Variants in LY9 observed in about 807,000 individuals in gnomAD.
LY9 encodes the protein T-lymphocyte surface antigen Ly-9.
Under a neutral mutation model 64.6 loss-of-function variants are expected in LY9, and 59 were observed. The ratio of observed to expected loss-of-function variants is 0.91; its 90% CI spans 0.74 to 1.13. The LOEUF (loss-of-function observed/expected upper bound fraction) is 1.13, where lower values mean the gene tolerates loss of function less well. Ranked by LOEUF, LY9 falls within the 50% of genes most tolerant of loss-of-function variation. The probability of loss-of-function intolerance (pLI) is 0.00; values close to 1 mark genes in which losing one functional copy is unlikely to be tolerated. For missense variants in LY9, 789 were observed against 797.2 expected (o/e 0.99, Z 0.12); for synonymous variants, 281 against 308.5 (o/e 0.91, Z 0.93).
intron 2 of LY9, among the ~76,000 whole-genome samples, chr1:160,805,983 G>T (rs1320572797): frequency 7.7e-6 from 1 of 130,090 alleles, no homozygotes; most frequent in African/African-American, 3.0e-5. Flanking sequence ...TATAAATATA[G>T]CTAGCTATTC....
chr1:160,818,390 C>A, intron 6 of LY9, 71 bp downstream of exon 6: 2 of 1,129,314 alleles, frequency 1.8e-6, no homozygotes, highest in Non-Finnish European at 2.7e-6. Context: ...GGCTTCTCTG[C>A]CCTCACACAA....
intron 7 of LY9, among the ~76,000 whole-genome samples, chr1:160,820,978 C>G (rs1297847922): frequency 6.6e-6 from 1 of 151,414 alleles, no homozygotes; most frequent in Admixed American, 6.6e-5. Context: ...CATGGTGAAA[C>G]CCCGTCTCTA....
Position 160,813,758 on chromosome 1 carries a change from C to G in LY9, c.577C>G (p.Pro193Ala), listed in dbSNP as rs1351695522. The G allele has an allele frequency of 6.2e-7, 1 of 1,614,050 alleles. No homozygotes were observed. Among genetic ancestry groups the G allele is most frequent in the East Asian group, 2.2e-5 (1 of 44,896 alleles). The change falls in exon 3 of 10, where the codon CCA becomes GCA. Residue 193 changes from proline (P) to alanine (A), a missense_variant. Transcript: ENST00000263285. Reference protein sequence around the residue: ...AEKSVLYSWTPREPHASESNG... With the variant: ...AEKSVLYSWTAREPHASESNG... ...GAAAAGTGTTCTGTACAGCTGGACC[C>G]CAAGGGAACCCCATGCTTCTGAGTC...
At chr1:160,797,689 A>G (rs2101726929) in intron 1 of LY9, among the ~76,000 whole-genome samples, 1 of 152,342 alleles carries the variant, frequency 6.6e-6, no homozygotes, top group Middle Eastern at 3.4e-3. Flanking sequence ...GAGTCATTTC[A>G]GGAACTTAAA....
chr1:160,824,558 C>G, intron 9 of LY9: 2 of 984,920 alleles, frequency 2.0e-6, no homozygotes, highest in Middle Eastern at 5.2e-4. Context: ...AAATCTATCT[C>G]TAACCCTAAT....
chr1:160,822,538 C>A (rs1473326205), intron 7 of LY9, among the ~76,000 whole-genome samples: 2 of 152,162 alleles, frequency 1.3e-5, no homozygotes. Flanking sequence ...CATGCAAGCT[C>A]CCAGCTTGCA....
At chr1:160,803,013 G>A (rs866722048) in intron 2 of LY9, among the ~76,000 whole-genome samples, 11 of 152,148 alleles carry the variant, frequency 7.2e-5, no homozygotes, top group South Asian at 4.1e-4. Flanking sequence ...CAGGCACAGT[G>A]ATTCATGCCC....
At chr1:160,811,043 C>T (rs1014062866) in intron 2 of LY9, 2 of 152,264 alleles carry the variant, frequency 1.3e-5, no homozygotes, top group Non-Finnish European at 2.9e-5. Flanking sequence ...TCTGGGCCCA[C>T]TGGAGTAGCA....
At chr1:160,823,824 C>T in intron 8 of LY9, 28 bp downstream of exon 8, 1 of 1,516,132 alleles carries the variant, frequency 6.6e-7, no homozygotes, top group East Asian at 2.3e-5. Flanking sequence ...ATACACCTTC[C>T]TCCTCCTCCC....
intron 2 of LY9, chr1:160,812,432 TA>T (rs1392702090): frequency 1.1e-5 from 1 of 88,794 alleles, no homozygotes; most frequent in Non-Finnish European, 2.9e-5. Context: ...TTCTATCAGA[TA>T]ATTTGACCGT....
At chr1:160,826,852 A>G (rs1226164984) in intron 9 of LY9, among the ~76,000 whole-genome samples, 1 of 152,146 alleles carries the variant, frequency 6.6e-6, no homozygotes, top group African/African-American at 2.4e-5. Flanking sequence ...GCATTCCCAG[A>G]GCTGCTTTCT....
chr1:160,819,177 C>T (rs181753013), intron 6 of LY9, 144 bp from the exon 7 acceptor site: 1 of 684,374 alleles, frequency 1.5e-6, no homozygotes, highest in Admixed American at 2.0e-5. Flanking sequence ...CCTGGCTTCT[C>T]ATCAGGGTTC....
At chr1:160,816,505 C>G in intron 4 of LY9, 89 bp from the exon 5 acceptor site, 1 of 1,420,542 alleles carries the variant, frequency 7.0e-7, no homozygotes, top group East Asian at 2.5e-5. Context: ...CAACACTCAG[C>G]TTCATGAATA....
chr1:160,800,072 G>A lies in LY9; in HGVS notation c.444G>A (p.Leu148=), dbSNP rs1294725396. The change falls in exon 2 of 10, where the codon CTG becomes CTA. Residue 148 remains leucine, a synonymous_variant. Coordinates refer to ENST00000263285, the MANE Select transcript of LY9 (RefSeq NM_002348.4). ...FEVTTEEEFT[L]FVYEQLQEPQ... is the part of the protein sequence containing the mutation. ...TCACCACTGAGGAGGAATTCACCCT[G>A]TTCGTCTATGGTGAGTTCCAGAGAG... The A allele has an allele frequency of 6.2e-7, 1 of 1,611,838 alleles. No homozygotes were observed. Among genetic ancestry groups the A allele is most frequent in the Non-Finnish European group, 8.5e-7 (1 of 1,178,258 alleles).
rs1015099066 is a variant in LY9, at chr1:160,816,943, A to T, written c.1342+80A>T. On this transcript the variant is annotated intron_variant, in intron 5 of 9. Transcript: ENST00000263285. ...TTGCATCCTGACTGATTCTTTATGA[A>T]GTGCAGTAAGAGGCTGTGGGTGAGA... is the stretch of plus-strand genomic sequence containing the variant. 2.1e-5 allele frequency: 30 copies of T among 1,441,164 alleles called. No individual in the cohort carries two copies. The Admixed American group carries it at 3.1e-4, about 15-fold the overall frequency. The allele number at this position is 1,441,164 out of a possible 1,614,324, so 89.3% of individuals were successfully genotyped here.
intron 2 of LY9, 198 bp downstream of exon 2, chr1:160,800,280 T>C: frequency 1.8e-6 from 1 of 564,022 alleles, no homozygotes; most frequent in East Asian, 3.0e-5. Context: ...TTGAATTGAT[T>C]TTCTCTATCT....
At chr1:160,798,330 T>G (rs566591459) in intron 1 of LY9, among the ~76,000 whole-genome samples, 2 of 152,300 alleles carry the variant, frequency 1.3e-5, no homozygotes, top group South Asian at 2.1e-4. Flanking sequence ...ACTCTGTGAC[T>G]GATCAACCCT....
At chr1:160,814,007 G>A (rs935293829) in intron 3 of LY9, 96 bp downstream of exon 3, 5 of 1,343,576 alleles carry the variant, frequency 3.7e-6, no homozygotes, top group Admixed American at 4.4e-5. Flanking sequence ...CACACAGGGG[G>A]TGGGGAAGCA....
intron 2 of LY9, among the ~76,000 whole-genome samples, chr1:160,801,311 G>T (rs986451497): frequency 1.3e-5 from 2 of 152,086 alleles, no homozygotes; most frequent in Non-Finnish European, 2.9e-5. Context: ...TCAGATAATT[G>T]GTGATATTGA....
Sources: gnomAD v4.1 joint callset for allele counts (sites outside exome capture counted in the v4.1 genomes callset) on GRCh38, gnomAD v4.1.1 for gene constraint, MANE v1.5 for transcripts, NCBI Gene and HGNC (gene_info 2026-07-23, HGNC 2026-07-21) for gene names.